Variants in ANKRD17 observed in about 807,000 individuals in gnomAD.
The protein encoded by ANKRD17 is ankyrin repeat domain-containing protein 17.
A neutral mutation model predicts 229.7 loss-of-function variants in ANKRD17; 19 were observed. The ratio of observed to expected loss-of-function variants is 0.08; its 90% confidence interval spans 0.06 to 0.12. The LOEUF (loss-of-function observed/expected upper bound fraction) is 0.12. Ranked by LOEUF, ANKRD17 falls within the 10% of genes least tolerant of loss-of-function variation. The pLI, the probability that ANKRD17 is intolerant of heterozygous loss-of-function variation, is 1.00. For missense variants in ANKRD17, 2,176 were observed against 3,176.8 expected (o/e 0.68, Z 7.57); for synonymous variants, 1,112 against 1,146.1 (o/e 0.97, Z 0.60).
At chr4:73,177,929 C>G (rs1371839093) in intron 1 of ANKRD17, among the ~76,000 whole-genome samples, 1 of 152,046 alleles carries the variant, frequency 6.6e-6, no homozygotes, top group African/African-American at 2.4e-5. Flanking sequence ...TACTGAACTC[C>G]CAAGGACTTT....
At chr4:73,155,059 T>A (rs894901861) in intron 5 of ANKRD17, among the ~76,000 whole-genome samples, 67 of 150,918 alleles carry the variant, frequency 4.4e-4, no homozygotes, top group East Asian at 3.5e-3. Flanking sequence ...AAAAAAAAAA[T>A]TTAATAAATT....
Position 73,102,403 on chromosome 4 carries a change from G to C in ANKRD17, c.4546C>G (p.Gln1516Glu), listed in dbSNP as rs1160661490. Residue 1516 changes from glutamine (Q) to glutamate (E), a missense_variant, in exon 25 of 34, where the codon CAA becomes GAA. Around this residue, in one of 18 missense-constraint regions of ANKRD17, gnomAD observed 105 missense variants for 118.3 expected, o/e 0.89. Transcript: ENST00000358602. The part of the protein sequence containing the change: ...NKENFELQAA[Q>E]EKEKLKVEDE... ...TCAACTTTAAGCTTTTCTTTTTCTT[G>C]AGCAGCTTGGAGTTCAAAGTTCTCT... is the stretch of plus-strand genomic sequence containing the variant. 1.9e-6 allele frequency: 3 copies of C among 1,588,926 alleles called. No individual in the cohort carries two copies. Among genetic ancestry groups the C allele is most frequent in the East Asian group, 2.2e-5 (1 of 44,586 alleles).
In ANKRD17 at chr4:73,137,423, GAAAT is replaced by G. The variant is rs771913961; in HGVS notation, c.3085+2104_3085+2107del. 7.2e-5 allele frequency among the ~76,000 whole-genome samples: 11 copies of G among 152,238 alleles called. No individual in the cohort carries two copies. The East Asian group carries it at 1.7e-3, about 24-fold the overall frequency. ...TAGAAGTCTAATAAATGAAGCCTAA[GAAAT>G]AAAGAGCAGGGACTGTGCTAGAGGG... On this transcript the variant is annotated intron_variant, in intron 15 of 33. Transcript: ENST00000358602.
chr4:73,207,808 G>T (rs952211453), intron 1 of ANKRD17, among the ~76,000 whole-genome samples: 2 of 152,154 alleles, frequency 1.3e-5, no homozygotes, highest in African/African-American at 4.8e-5. Context: ...GGAAGAATGG[G>T]ACTCTCTACA....
intron 30 of ANKRD17, among the ~76,000 whole-genome samples, chr4:73,080,022 C>T (rs1283714094): frequency 6.6e-6 from 1 of 152,134 alleles, no homozygotes; most frequent in Non-Finnish European, 1.5e-5. Flanking sequence ...AGACGAATCA[C>T]TTGAACCCGG....
intron 25 of ANKRD17, among the ~76,000 whole-genome samples, chr4:73,101,341 GCAAATGT>G (rs1723954229): frequency 6.6e-6 from 1 of 152,084 alleles, no homozygotes; most frequent in Admixed American, 6.6e-5. Context: ...GATGATGTAA[GCAAATGT>G]CATTCTTGGG....
chr4:73,229,321 C>T (rs1742818735), intron 1 of ANKRD17, among the ~76,000 whole-genome samples: 1 of 152,040 alleles, frequency 6.6e-6, no homozygotes, highest in Admixed American at 6.6e-5. Context: ...CAATTAACTG[C>T]CTTCTAAAAA....
At chr4:73,139,488 A>G in intron 15 of ANKRD17, 43 bp downstream of exon 15, 22 of 1,552,884 alleles carry the variant, frequency 1.4e-5, no homozygotes, top group Non-Finnish European at 1.9e-5. Context: ...ACTCGCCTTA[A>G]GCAAATCATA....
At chr4:73,102,949 A>AAAAAATATTT (rs1257473497) in intron 24 of ANKRD17, among the ~76,000 whole-genome samples, 5 of 152,142 alleles carry the variant, frequency 3.3e-5, no homozygotes, top group African/African-American at 1.2e-4. Context: ...ATTTTAGAAA[A>AAAAAATATTT]AGTAATTTGA....
At position 73,098,614 on chromosome 4, in the gene ANKRD17, A is replaced by T. The variant is rs550480958; in HGVS notation, c.4574-94T>A. ...TGAAGAAAAGAAAAACCCAGGAGAG[A>T]TACTCTACTACTATTAGCCATGTAA... On this transcript the variant is annotated intron_variant, in intron 25 of 33. Coordinates refer to ENST00000358602, the MANE Select transcript of ANKRD17 (RefSeq NM_032217.5). The T allele has an allele frequency of 1.1e-4, 129 of 1,132,034 alleles. 1 individual carries two copies. The highest frequency in any genetic ancestry group is 1.4e-4 in the Non-Finnish European group (114 of 790,970). The allele number at this position is 1,132,034 out of a possible 1,614,324, so 70.1% of individuals were successfully genotyped here. A position where few individuals can be genotyped will look rare whatever the true frequency, so the allele number is the denominator to read the frequency against.
At chr4:73,076,388 C>G in intron 33 of ANKRD17, 98 bp from the exon 34 acceptor site, 1 of 878,644 alleles carries the variant, frequency 1.1e-6, no homozygotes, top group South Asian at 2.8e-5. Context: ...CTTCAATTTG[C>G]AATATACTAG....
intron 22 of ANKRD17, among the ~76,000 whole-genome samples, 155 bp downstream of exon 22, chr4:73,118,533 C>G (rs891723820): frequency 2.0e-5 from 3 of 151,960 alleles, no homozygotes; most frequent in Non-Finnish European, 2.9e-5. Flanking sequence ...CTGTATATAT[C>G]TACATTTAAT....
intron 1 of ANKRD17, among the ~76,000 whole-genome samples, chr4:73,188,797 A>G (rs1431612625): frequency 6.6e-6 from 1 of 152,214 alleles, no homozygotes; most frequent in Non-Finnish European, 1.5e-5. Context: ...GGTAAAGTCT[A>G]GAAAGAGGAT....
chr4:73,157,948 C>T (rs368448092), intron 3 of ANKRD17, among the ~76,000 whole-genome samples: 8 of 151,738 alleles, frequency 5.3e-5, no homozygotes, highest in Non-Finnish European at 1.2e-4. Flanking sequence ...AAAAATTAGC[C>T]GGGCATGGCA....
chr4:73,203,651 G>A (rs534322638), intron 1 of ANKRD17, among the ~76,000 whole-genome samples: 1 of 151,384 alleles, frequency 6.6e-6, no homozygotes, highest in Admixed American at 6.6e-5. Flanking sequence ...CCAGCTACTC[G>A]GGAGGCTGAG....
At chr4:73,109,497 T>C (rs1277807209) in intron 24 of ANKRD17, among the ~76,000 whole-genome samples, 1 of 152,050 alleles carries the variant, frequency 6.6e-6, no homozygotes, top group Non-Finnish European at 1.5e-5. Flanking sequence ...CAAGTTTTCT[T>C]CTGATAGTTC....
chr4:73,092,382 A>G, intron 28 of ANKRD17, 82 bp from the exon 29 acceptor site: 3 of 1,076,332 alleles, frequency 2.8e-6, no homozygotes, highest in Non-Finnish European at 4.0e-6. Context: ...ATTTATGTAC[A>G]CAAACACACA....
intron 16 of ANKRD17, among the ~76,000 whole-genome samples, chr4:73,125,869 G>T (rs1261926219): frequency 6.6e-6 from 1 of 152,036 alleles, no homozygotes; most frequent in Non-Finnish European, 1.5e-5. Context: ...GTGATTGAAA[G>T]AAATACTGTG....
chr4:73,203,345 G>A (rs1231379858), intron 1 of ANKRD17, among the ~76,000 whole-genome samples: 1 of 151,960 alleles, frequency 6.6e-6, no homozygotes, highest in Admixed American at 6.6e-5. Flanking sequence ...ACAATAAAGA[G>A]AAAAACAGCT....
Sources: allele counts gnomAD v4.1 joint callset (sites outside exome capture counted in the v4.1 genomes callset), GRCh38; gene constraint gnomAD v4.1.1; regional missense constraint gnomAD v4.1.1; transcripts MANE v1.5; gene names NCBI Gene and HGNC (gene_info 2026-07-23, HGNC 2026-07-21).